Variants in UGT2B7 observed in about 807,000 individuals in gnomAD.
The protein encoded by UGT2B7 is UDP-glucuronosyltransferase 2B7.
UGT2B7 carries 51 observed loss-of-function variants against 51.9 expected under a neutral mutation model. The observed-to-expected ratio is 0.98, with a 90% CI of 0.78 to 1.24. The LOEUF is 1.24. Among genes scored for constraint, UGT2B7 ranks in the 50% most tolerant of loss-of-function variants. The probability of loss-of-function intolerance (pLI) is 0.00; values close to 1 mark genes in which losing one functional copy is unlikely to be tolerated. For synonymous variants in UGT2B7, 225 were observed against 211.6 expected (o/e 1.06, Z -0.55); for missense variants, 727 against 628.4 (o/e 1.16, Z -1.68).
chr4:69,112,470 G>A lies in UGT2B7; in HGVS notation c.1324G>A (p.Val442Ile), dbSNP rs138450721. 84 of 1,613,608 alleles carry A rather than the reference G, an allele frequency of 5.2e-5. No homozygotes were observed. In the East Asian group the frequency reaches 1.8e-3, roughly 35 times the overall value. The change falls in exon 6 of 6, where the codon GTT becomes ATT. Residue 442 changes from valine (V) to isoleucine (I), a missense_variant. Transcript: ENST00000305231. Reference protein sequence around the residue: ...VINDPSYKENVMKLSRIQHDQ... With the variant: ...VINDPSYKENIMKLSRIQHDQ... ...TTTATCTTTCAGATATAAAGAGAAT[G>A]TTATGAAATTATCAAGAATTCAACA...
chr4:69,068,337 C>G (rs1718525110), intron 1 of UGT2B7, among the ~76,000 whole-genome samples: 1 of 151,742 alleles, frequency 6.6e-6, no homozygotes. Flanking sequence ...ATAAATGTAG[C>G]CATTTATTTG....
At chr4:69,074,232 T>C (rs1718656138) in intron 1 of UGT2B7, among the ~76,000 whole-genome samples, 1 of 151,760 alleles carries the variant, frequency 6.6e-6, no homozygotes, top group African/African-American at 2.4e-5. Flanking sequence ...TCCCAGCCAC[T>C]TGGGGGACTG....
chr4:69,083,559 T>G (rs924623632), intron 1 of UGT2B7, among the ~76,000 whole-genome samples: 1 of 152,130 alleles, frequency 6.6e-6, no homozygotes, highest in African/African-American at 2.4e-5. Flanking sequence ...ATTCCATTTC[T>G]TTCATCAATG....
intron 4 of UGT2B7, 149 bp downstream of exon 4, chr4:69,107,411 G>C (rs1259514795): frequency 1.2e-5 from 11 of 928,584 alleles, no homozygotes; most frequent in Non-Finnish European, 1.6e-5. Flanking sequence ...AAGGGAGAAA[G>C]AATACATTAT....
chr4:69,106,737 T>C (rs1483453905), intron 3 of UGT2B7, among the ~76,000 whole-genome samples: 1 of 152,130 alleles, frequency 6.6e-6, no homozygotes, highest in Non-Finnish European at 1.5e-5. Context: ...AAGCCTTTTC[T>C]ATACTACCTC....
In UGT2B7 at chr4:69,097,186, T is replaced by C. The variant is rs1049230883; in HGVS notation, c.666T>C (p.Phe222=). The part of the protein sequence containing the change: ...KNMIYVLYFD[F]WFEIFDMKKW... Reference sequence around the variant, plus strand: ...TGATCTATGTGCTTTACTTTGACTTTTGGTTCGAAATATTTGACATGAAGA... The same window carrying C: ...TGATCTATGTGCTTTACTTTGACTTCTGGTTCGAAATATTTGACATGAAGA... Residue 222 remains phenylalanine, a synonymous_variant, in exon 1 of 6, where the codon TTT becomes TTC. Coordinates refer to ENST00000305231, the MANE Select transcript of UGT2B7 (RefSeq NM_001074.4). 8 of 1,612,694 alleles carry C rather than the reference T, an allele frequency of 5.0e-6. No homozygotes were observed. The highest frequency in any genetic ancestry group is 1.6e-4 in the Middle Eastern group (1 of 6,078).
chr4:69,082,250 C>T (rs79596198), intron 1 of UGT2B7, among the ~76,000 whole-genome samples: 2,340 of 151,948 alleles, frequency 0.015, 60 homozygotes, highest in African/African-American at 0.054. Context: ...AATAAACTTA[C>T]GAAGGTCCCT....
intron 1 of UGT2B7, among the ~76,000 whole-genome samples, chr4:69,052,993 A>C (rs1173285100): frequency 6.6e-6 from 1 of 152,198 alleles, no homozygotes; most frequent in Non-Finnish European, 1.5e-5. Context: ...TATTAGCTAA[A>C]GTTAAAAAGA....
chr4:69,093,868 A>G (rs1300907618), upstream of UGT2B7, among the ~76,000 whole-genome samples: 2 of 152,064 alleles, frequency 1.3e-5, no homozygotes, highest in Non-Finnish European at 2.9e-5. Flanking sequence ...AATAGTCCCA[A>G]TGCGAGTGCC....
Position 69,090,313 on chromosome 4 carries a change from G to T in UGT2B7, c.-27+710G>T, listed in dbSNP as rs138696491. On this transcript the variant is annotated intron_variant, in intron 2 of 5. Transcript: ENST00000502942. ...TAATTAGGATTGTGAAATTAGTTTT[G>T]CCTATTAAATTGGAATATCTATGTA... 1.8e-3 allele frequency among the ~76,000 whole-genome samples: 273 copies of T among 152,088 alleles called. 2 individuals carry two copies. The highest frequency in any genetic ancestry group is 6.4e-3 in the African/African-American group (265 of 41,512).
At chr4:69,074,599 C>T (rs1281970266) in intron 1 of UGT2B7, among the ~76,000 whole-genome samples, 4 of 151,880 alleles carry the variant, frequency 2.6e-5, no homozygotes, top group Admixed American at 2.0e-4. Context: ...CTCATATTCT[C>T]TAATGTAAGA....
intron 1 of UGT2B7, among the ~76,000 whole-genome samples, chr4:69,084,141 T>G (rs573847502): frequency 6.6e-6 from 1 of 152,126 alleles, no homozygotes; most frequent in Non-Finnish European, 1.5e-5. Flanking sequence ...AAATTATATG[T>G]TTTTTCTTAA....
Position 69,112,494 on chromosome 4 carries a change from C to T in UGT2B7, c.1348C>T (p.His450Tyr), listed in dbSNP as rs1378984000. Residue 450 changes from histidine (H) to tyrosine (Y), a missense_variant, in exon 6 of 6, where the codon CAT becomes TAT. Transcript: ENST00000305231. ...TGTTATGAAATTATCAAGAATTCAA[C>T]ATGATCAACCAGTGAAGCCCCTGGA... ...ENVMKLSRIQ[H>Y]DQPVKPLDRA... The T allele has an allele frequency of 2.5e-6, 4 of 1,613,742 alleles. No homozygotes were observed. Among genetic ancestry groups the T allele is most frequent in the African/African-American group, 1.3e-5 (1 of 75,006 alleles).
intron 3 of UGT2B7, among the ~76,000 whole-genome samples, chr4:69,105,485 T>G (rs1577925968): frequency 6.6e-6 from 1 of 152,218 alleles, no homozygotes; most frequent in Non-Finnish European, 1.5e-5. Context: ...ATTAGTAACT[T>G]AAACATAAAA....
At chr4:69,083,459 T>A (rs1003218366) in intron 1 of UGT2B7, among the ~76,000 whole-genome samples, 3 of 152,094 alleles carry the variant, frequency 2.0e-5, no homozygotes, top group African/African-American at 7.2e-5. Context: ...GGTCAACGTA[T>A]AAATATTAAC....
intron 1 of UGT2B7, among the ~76,000 whole-genome samples, chr4:69,072,911 A>T (rs1718630522): frequency 6.6e-6 from 1 of 152,170 alleles, no homozygotes; most frequent in South Asian, 2.1e-4. Flanking sequence ...TCAGACACTG[A>T]ATCTTGGCAA....
intron 1 of UGT2B7, among the ~76,000 whole-genome samples, chr4:69,075,256 C>T (rs545177509): frequency 6.6e-6 from 1 of 152,240 alleles, no homozygotes; most frequent in Admixed American, 6.5e-5. Context: ...TGTGGCAAGG[C>T]TTGTGGCTTG....
At chr4:69,101,654 A>G (rs1306320723) in intron 2 of UGT2B7, among the ~76,000 whole-genome samples, 2 of 142,144 alleles carry the variant, frequency 1.4e-5, no homozygotes, top group Non-Finnish European at 3.1e-5. Flanking sequence ...TTTTAAAAAA[A>G]CACTCTGTAA....
rs545511795 is a variant in UGT2B7, at chr4:69,090,452, C to T, written c.-27+849C>T. 5.6e-5 allele frequency among the ~76,000 whole-genome samples: 8 copies of T among 142,240 alleles called. No homozygotes were observed. The East Asian group carries it at 1.7e-3, about 30-fold the overall frequency. 93.3% of individuals were successfully genotyped at this position (142,240 alleles called of 152,430 possible). The stretch of plus-strand genomic sequence containing the variant: ...AACATTGAACATAAATTCTAAGTAA[C>T]TTCTTTTTCTTTTTTAATTAAAAAT... On this transcript the variant is annotated intron_variant, in intron 2 of 5. Coordinates refer to the UGT2B7 transcript ENST00000502942.
Sources: gnomAD v4.1 joint callset for allele counts (sites outside exome capture counted in the v4.1 genomes callset) on GRCh38, gnomAD v4.1.1 for gene constraint, MANE v1.5 for transcripts, NCBI Gene and HGNC (gene_info 2026-07-23, HGNC 2026-07-21) for gene names.